RAPH1: variants seen among roughly 807,000 people sequenced by gnomAD.
RAPH1 encodes Ras association (RalGDS/AF-6) and pleckstrin homology domains 1, also known as ras-associated and pleckstrin homology domains-containing protein 1.
Under a neutral mutation model 88.1 loss-of-function variants are expected in RAPH1, and 18 were observed. That is an observed-to-expected ratio of 0.20 (90% CI 0.14 to 0.30). The LOEUF (loss-of-function observed/expected upper bound fraction) is 0.30, where lower values mean the gene tolerates loss of function less well. Ranked by LOEUF, RAPH1 falls within the 10% of genes least tolerant of loss-of-function variation. The pLI is 1.00. For synonymous variants in RAPH1, 587 were observed against 559.0 expected, an observed-to-expected ratio of 1.05 and a Z score of -0.71; for missense variants, 1,448 against 1,543.2, an observed-to-expected ratio of 0.94 and a Z score of 1.03.
At chr2:203,454,344 A>G (rs1559455575) in intron 10 of RAPH1, 86 bp downstream of exon 10, 3 of 847,452 alleles carry the variant, frequency 3.5e-6, no homozygotes, top group Non-Finnish European at 5.5e-6. Flanking sequence ...AGTATAATTG[A>G]TGGAATCTCA....
intron 4 of RAPH1, among the ~76,000 whole-genome samples, chr2:203,487,307 G>A (rs922078916): frequency 1.3e-5 from 2 of 152,076 alleles, no homozygotes; most frequent in African/African-American, 4.8e-5. Flanking sequence ...TAAATCTAAA[G>A]GACATGAAAT....
intron 1 of RAPH1, among the ~76,000 whole-genome samples, chr2:203,526,819 C>G (rs189418837): frequency 9.0e-4 from 134 of 149,230 alleles, no homozygotes; most frequent in African/African-American, 3.2e-3. Context: ...GAGTCTCGCT[C>G]TGTCACCCAG....
chr2:203,463,306 A>C (rs779738615), intron 4 of RAPH1, among the ~76,000 whole-genome samples: 34 of 152,188 alleles, frequency 2.2e-4, no homozygotes, highest in South Asian at 4.1e-4. Context: ...TCCTCTCTGC[A>C]TTGTGATGAA....
intron 1 of RAPH1, among the ~76,000 whole-genome samples, chr2:203,519,888 G>C (rs551887725): frequency 1.2e-4 from 18 of 152,270 alleles, no homozygotes; most frequent in African/African-American, 4.3e-4. Flanking sequence ...AGCCACAATA[G>C]GTAACATTTT....
chr2:203,460,000 C>T lies in RAPH1; in HGVS notation c.999G>A (p.Leu333=). The stretch of plus-strand genomic sequence containing the variant: ...TTGTCCAATTAAGAAGATTTTCAAC[C>T]AAGTTTTCATGGTCTTCAAAGATTC... The part of the protein sequence containing the change: ...MERIFEDHEN[L]VENLLNWTRD... Residue 333 remains leucine, a synonymous_variant, in exon 7 of 14, where the codon TTG becomes TTA. Coordinates refer to ENST00000319170, the MANE Select transcript of RAPH1 (RefSeq NM_213589.3). The T allele has an allele frequency of 6.2e-7, 1 of 1,609,556 alleles. No individual in the cohort carries two copies. The highest frequency in any genetic ancestry group is 8.5e-7 in the Non-Finnish European group (1 of 1,176,680).
chr2:203,495,342 T>C lies in RAPH1; in HGVS notation c.12A>G (p.Leu4=), dbSNP rs557427501. 2.6e-5 allele frequency: 42 copies of C among 1,614,014 alleles called. No homozygotes were observed. Among genetic ancestry groups the C allele is most frequent in the South Asian group, 3.3e-5 (3 of 91,072 alleles). Residue 4 remains leucine, a synonymous_variant, in exon 2 of 14, where the codon CTA becomes CTG. Transcript: ENST00000319170. MEQ[L]SDEEIDHGAE... ...CACCATGATCAATTTCTTCATCTGATAGCTGCTCCATCTGAAATACAGACA... is the reference window on the plus strand; with the variant it reads ...CACCATGATCAATTTCTTCATCTGACAGCTGCTCCATCTGAAATACAGACA...
chr2:203,506,819 T>A (rs1188609042), intron 1 of RAPH1, among the ~76,000 whole-genome samples: 2 of 87,486 alleles, frequency 2.3e-5, no homozygotes, highest in Non-Finnish European at 4.1e-5. Flanking sequence ...TATCTATATA[T>A]CTATATATAT....
At position 203,448,058 on chromosome 2, in the gene RAPH1, T is replaced by C; in HGVS notation, c.1534A>G (p.Asn512Asp). Residue 512 changes from asparagine to aspartate, a missense_variant, in exon 12 of 14, where the codon AAC becomes GAC. Asn to Asp is a conservative substitution (Grantham distance 23). This residue lies in a region of RAPH1 where 513 missense variants were observed against 653.1 expected (regional missense o/e 0.79). Transcript: ENST00000319170. The surrounding 1 kb of genome is among the most constrained non-coding windows in gnomAD (Gnocchi z 4.1). ...IAKYGKQLYM[N>D]YQEALKRTES... ...GTCCTCTTCAAGGCTTCTTGGTAGTTCATATAGAGCTGCTTCCCATACTAA... is the reference window on the plus strand; with the variant it reads ...GTCCTCTTCAAGGCTTCTTGGTAGTCCATATAGAGCTGCTTCCCATACTAA... 6.2e-7 allele frequency: 1 copy of C among 1,613,856 alleles called. No homozygotes were observed. The highest frequency in any genetic ancestry group is 8.5e-7 in the Non-Finnish European group (1 of 1,179,812).
chr2:203,488,588 T>TTAAA (rs1553626729), intron 4 of RAPH1, among the ~76,000 whole-genome samples: 3 of 36,650 alleles, frequency 8.2e-5, no homozygotes, highest in Non-Finnish European at 4.7e-5. Context: ...CTCCGTCTAT[T>TTAAA]AAAAAAAAAA....
chr2:203,472,425 C>A (rs2098533998), intron 4 of RAPH1, among the ~76,000 whole-genome samples: 1 of 152,192 alleles, frequency 6.6e-6, no homozygotes, highest in African/African-American at 2.4e-5. Context: ...AGCCACTGTG[C>A]CCAGCCACGT....
chr2:203,437,598 T>A lies in RAPH1; in HGVS notation c.*1839A>T, dbSNP rs1414098299. The stretch of plus-strand genomic sequence containing the variant: ...AATGGTATATATTCTTATTGCTCCA[T>A]AACCACATGAACATAACCGAACAAT... On this transcript the variant is annotated 3_prime_UTR_variant, in exon 14 of 14. Coordinates refer to ENST00000319170, the MANE Select transcript of RAPH1 (RefSeq NM_213589.3). The A allele has an allele frequency of 6.6e-6, 1 of 152,452 alleles. No homozygotes were observed. Among genetic ancestry groups the A allele is most frequent in the Non-Finnish European group, 1.5e-5 (1 of 68,234 alleles). The allele number at this position is 152,452 out of a possible 1,614,324, so 9.4% of individuals were successfully genotyped here.
intron 1 of RAPH1, among the ~76,000 whole-genome samples, chr2:203,499,474 C>A (rs2105871293): frequency 6.6e-6 from 1 of 151,876 alleles, no homozygotes; most frequent in East Asian, 1.9e-4. Context: ...GTAATCCCAG[C>A]ACTTTGGGAG....
At chr2:203,455,679 A>C in intron 8 of RAPH1, 99 bp from the exon 9 acceptor site, 1 of 1,179,548 alleles carries the variant, frequency 8.5e-7, no homozygotes, top group Non-Finnish European at 1.2e-6. Context: ...ATTAAACCAA[A>C]ATGGTTTTAT....
At chr2:203,474,280 A>C (rs530893726) in intron 4 of RAPH1, among the ~76,000 whole-genome samples, 2 of 152,234 alleles carry the variant, frequency 1.3e-5, no homozygotes, top group African/African-American at 4.8e-5. Context: ...TGAAGAGGAG[A>C]GGGAGAGTTA....
At chr2:203,474,805 A>G (rs1377098775) in intron 4 of RAPH1, among the ~76,000 whole-genome samples, 2 of 152,248 alleles carry the variant, frequency 1.3e-5, no homozygotes, top group Non-Finnish European at 2.9e-5. Flanking sequence ...TACTGTTGTC[A>G]TATTTAAAAT....
At chr2:203,488,546 C>T (rs1302250685) in intron 4 of RAPH1, among the ~76,000 whole-genome samples, 5 of 134,206 alleles carry the variant, frequency 3.7e-5, no homozygotes, top group Non-Finnish European at 6.1e-5. Flanking sequence ...AAGATCATGC[C>T]ACTGCACTCC....
At chr2:203,470,459 C>A in intron 4 of RAPH1, 1 of 543,332 alleles carries the variant, frequency 1.8e-6, no homozygotes, top group Non-Finnish European at 3.2e-6. Flanking sequence ...AGTGAAATAT[C>A]TCCACAAAGA....
At position 203,514,665 on chromosome 2, in the gene RAPH1, C is replaced by T. The variant is rs375809854; in HGVS notation, c.1-19312G>A. Among the ~76,000 whole-genome samples, 30 of 152,206 alleles carry T rather than the reference C, an allele frequency of 2.0e-4. 1 individual carries two copies. The South Asian group carries it at 6.0e-3, about 31-fold the overall frequency. On this transcript the variant is annotated intron_variant, in intron 1 of 13. Transcript: ENST00000319170. ...TGCCTCCCGGGTTCATGCCATTCTC[C>T]TGCCTCAGCCTCCCGAGTAGCTGGA...
intron 1 of RAPH1, among the ~76,000 whole-genome samples, chr2:203,506,843 T>G (rs1455659354): frequency 2.1e-5 from 1 of 47,348 alleles, no homozygotes; most frequent in African/African-American, 8.3e-5. Flanking sequence ...TATATCTATA[T>G]ATCTATCTAT....
Sources: gnomAD v4.1 joint callset for allele counts (sites outside exome capture counted in the v4.1 genomes callset) on GRCh38, gnomAD v4.1.1 for gene constraint, gnomAD v4.1.1 regional missense constraint, Gnocchi (gnomAD v3.1) non-coding constraint, MANE v1.5 for transcripts, NCBI Gene and HGNC (gene_info 2026-07-23, HGNC 2026-07-21) for gene names.